The following PCDHGB2 variants were observed in gnomAD, a reference collection of about 807,000 sequenced individuals.
The protein encoded by PCDHGB2 is protocadherin gamma-B2.
PCDHGB2 carries 55 observed loss-of-function variants against 59.3 expected under a neutral mutation model. That is an observed-to-expected ratio of 0.93 (90% CI 0.75 to 1.16). PCDHGB2 has a LOEUF of 1.16. PCDHGB2 is among the 50% of genes most tolerant of loss of function. PCDHGB2 has a pLI of 0.00. For missense variants in PCDHGB2, 1,228 were observed against 1,198.5 expected, an observed-to-expected ratio of 1.02 and a Z score of -0.36; for synonymous variants, 516 against 512.0, an observed-to-expected ratio of 1.01 and a Z score of -0.11.
At chr5:141,370,485 G>T (rs905115445) in intron 1 of PCDHGB2, 1 of 1,613,916 alleles carries the variant, frequency 6.2e-7, no homozygotes, top group Admixed American at 1.7e-5. Context: ...GGCTCTCTCC[G>T]AACCGATCCG....
chr5:141,372,634 C>G, intron 1 of PCDHGB2: 1 of 1,614,012 alleles, frequency 6.2e-7, no homozygotes, highest in Non-Finnish European at 8.5e-7. Context: ...AGCGAAAGGA[C>G]TTTGCCTTAT....
intron 1 of PCDHGB2, chr5:141,408,334 C>T (rs2095086638): frequency 1.2e-6 from 2 of 1,613,910 alleles, no homozygotes; most frequent in East Asian, 2.2e-5. Context: ...TGGCCAAGGG[C>T]TCGGTGGTGG....
intron 1 of PCDHGB2, chr5:141,365,125 C>A (rs373921082): frequency 1.2e-6 from 2 of 1,613,766 alleles, no homozygotes; most frequent in African/African-American, 1.3e-5. Context: ...TCATGCTAAC[C>A]GCCACGGATC....
Position 141,476,610 on chromosome 5 carries a change from G to A in PCDHGB2, c.2422-18197G>A, listed in dbSNP as rs769858609. ...GAGAGCGCGCACGATCCCGATGTGGGAAGCAACTCTTTACAAACCTATGAG... is the reference window on the plus strand; with the variant it reads ...GAGAGCGCGCACGATCCCGATGTGGAAAGCAACTCTTTACAAACCTATGAG... On this transcript the variant is annotated intron_variant, in intron 1 of 3. Coordinates refer to ENST00000522605, the MANE Select transcript of PCDHGB2 (RefSeq NM_018923.3). The surrounding 1 kb of genome is among the most constrained non-coding windows in gnomAD (Gnocchi z 7.6). The A allele has an allele frequency of 1.2e-6, 2 of 1,614,262 alleles. No homozygotes were observed. The highest frequency in any genetic ancestry group is 3.3e-5 in the Admixed American group (2 of 60,036).
intron 2 of PCDHGB2, among the ~76,000 whole-genome samples, chr5:141,503,598 C>CAAAAAAA (rs765754054): frequency 1.5e-5 from 1 of 65,730 alleles, no homozygotes; most frequent in Non-Finnish European, 3.4e-5. Flanking sequence ...GACTCCAGCT[C>CAAAAAAA]AAAAAAAAAA....
intron 1 of PCDHGB2, among the ~76,000 whole-genome samples, chr5:141,483,907 C>T (rs545585133): frequency 6.0e-5 from 9 of 151,124 alleles, no homozygotes; most frequent in Non-Finnish European, 1.0e-4. Flanking sequence ...TGGTGTGTTT[C>T]CCACTCAGAT....
chr5:141,415,740 GTTTTTTTTTTT>G lies in PCDHGB2; in HGVS notation c.2421+53206_2421+53216del, dbSNP rs57426385. On this transcript the variant is annotated intron_variant, in intron 1 of 3. Transcript: ENST00000522605. ...TGAGTAGAATTTGATGTTTATTAAGGTTTTTTTTTTTTTTTTTTTTTTTTTTTTTTTTACTT... is the reference window on the plus strand; with the variant it reads ...TGAGTAGAATTTGATGTTTATTAAGGTTTTTTTTTTTTTTTTTTTTTACTT... 695 of 624,702 alleles carry G rather than the reference GTTTTTTTTTTT, an allele frequency of 1.1e-3. 1 individual carries two copies. Among genetic ancestry groups the G allele is most frequent in the East Asian group, 1.8e-3 (27 of 14,732 alleles). 38.7% of individuals were successfully genotyped at this position (624,702 alleles called of 1,614,324 possible).
chr5:141,382,128 C>T (rs1777984217), intron 1 of PCDHGB2, among the ~76,000 whole-genome samples: 3 of 152,026 alleles, frequency 2.0e-5, no homozygotes. Context: ...GCACCTGGCC[C>T]CCCCTCTCAT....
chr5:141,381,826 C>CT (rs770630741), intron 1 of PCDHGB2, among the ~76,000 whole-genome samples: 11,762 of 74,396 alleles, frequency 0.16, 1,041 homozygotes, highest in Non-Finnish European at 0.18. Flanking sequence ...CTTTCTTCTT[C>CT]TTTTTTTTTT....
In PCDHGB2 at chr5:141,487,107, T is replaced by C. The variant is rs1193091014; in HGVS notation, c.2422-7700T>C. 6.2e-7 allele frequency: 1 copy of C among 1,613,926 alleles called. No individual in the cohort carries two copies. The highest frequency in any genetic ancestry group is 8.5e-7 in the Non-Finnish European group (1 of 1,179,782). On this transcript the variant is annotated intron_variant, in intron 1 of 3. Transcript: ENST00000522605. This position sits in a 1 kb window ranked among gnomAD's most constrained non-coding sequence, Gnocchi z 5.0. ...GACCTCCCACCACAGAAGCTGGTCA[T>C]TGTGGTAAAGGATAGTGGTAGTCCA...
intron 1 of PCDHGB2, chr5:141,422,368 G>A: frequency 1.9e-6 from 3 of 1,565,294 alleles, no homozygotes; most frequent in Non-Finnish European, 2.6e-6. Context: ...TGGAGAAAAT[G>A]GTCAAGTCTC....
intron 1 of PCDHGB2, chr5:141,426,597 T>C (rs2096946172): frequency 2.6e-6 from 1 of 377,476 alleles, no homozygotes. Context: ...TGTCATACCC[T>C]TAGAGATTGT....
chr5:141,375,903 G>A lies in PCDHGB2; in HGVS notation c.2421+13347G>A, dbSNP rs535123838. ...GGCCAGAACGCCTGGCTGTCCTACC[G>A]CCTGCTCAAGGCCAGCGAGCCAGGA... On this transcript the variant is annotated intron_variant, in intron 1 of 3. Transcript: ENST00000522605. 54 of 1,613,696 alleles carry A rather than the reference G, an allele frequency of 3.3e-5. No individual in the cohort carries two copies. In the South Asian group the frequency reaches 5.6e-4, roughly 17 times the overall value.
rs1479003983 is a variant in PCDHGB2, at chr5:141,485,352, C to T, written c.2422-9455C>T. On this transcript the variant is annotated intron_variant, in intron 1 of 3. Coordinates refer to ENST00000522605, the MANE Select transcript of PCDHGB2 (RefSeq NM_018923.3). This position sits in a 1 kb window ranked among gnomAD's most constrained non-coding sequence, Gnocchi z 5.7. ...TTCCTGCTGGATACGGACAGTCTGT[C>T]AGCTCGCAGGCTGCAGGTCGCTGGA... 1 of 1,614,136 alleles carries T rather than the reference C, an allele frequency of 6.2e-7. No homozygotes were observed. The highest frequency in any genetic ancestry group is 8.5e-7 in the Non-Finnish European group (1 of 1,180,012).
intron 1 of PCDHGB2, chr5:141,389,435 C>T (rs1403223210): frequency 8.1e-6 from 13 of 1,610,504 alleles, no homozygotes. Flanking sequence ...CGCAGCGCGC[C>T]TTCGACCACG....
intron 1 of PCDHGB2, among the ~76,000 whole-genome samples, chr5:141,425,350 A>G (rs926657846): frequency 6.6e-6 from 1 of 152,194 alleles, no homozygotes; most frequent in Non-Finnish European, 1.5e-5. Context: ...TGGCTTTGAA[A>G]TGTGATATTA....
At chr5:141,395,194 C>T (rs867640127) in intron 1 of PCDHGB2, 2 of 1,613,922 alleles carry the variant, frequency 1.2e-6, no homozygotes, top group Non-Finnish European at 1.7e-6. Context: ...TTGTTAACAT[C>T]CGTAGATTTT....
chr5:141,453,701 AAC>A (rs1250174252), intron 1 of PCDHGB2, among the ~76,000 whole-genome samples: 1 of 152,240 alleles, frequency 6.6e-6, no homozygotes, highest in Non-Finnish European at 1.5e-5. Context: ...CCTGGCTTTG[AAC>A]AGTTTCACTA....
intron 1 of PCDHGB2, among the ~76,000 whole-genome samples, chr5:141,436,538 A>G (rs1353206648): frequency 6.6e-6 from 1 of 152,194 alleles, no homozygotes; most frequent in Admixed American, 6.5e-5. Context: ...CAAGTTATTT[A>G]ATCTCTTTGA....
Sources: allele counts gnomAD v4.1 joint callset (sites outside exome capture counted in the v4.1 genomes callset), GRCh38; gene constraint gnomAD v4.1.1; non-coding constraint Gnocchi (gnomAD v3.1); transcripts MANE v1.5; gene names NCBI Gene and HGNC (gene_info 2026-07-23, HGNC 2026-07-21).